TRIM24: variants seen among roughly 807,000 people sequenced by gnomAD.
TRIM24 encodes tripartite motif containing 24.
In TRIM24, 29 loss-of-function variants were observed where a neutral mutation model predicts 123.9. The ratio of observed to expected loss-of-function variants is 0.23; its 90% CI spans 0.17 to 0.32. The LOEUF (loss-of-function observed/expected upper bound fraction) is 0.32, where lower values mean the gene tolerates loss of function less well. Ranked by LOEUF, TRIM24 falls within the 10% of genes least tolerant of loss-of-function variation. The pLI, the probability that TRIM24 is intolerant of heterozygous loss-of-function variation, is 1.00. For synonymous variants in TRIM24, 456 were observed against 461.1 expected, an observed-to-expected ratio of 0.99 and a Z score of 0.14; for missense variants, 932 against 1,295.3, an observed-to-expected ratio of 0.72 and a Z score of 4.31.
At position 138,520,640 on chromosome 7, in the gene TRIM24, G is replaced by A. The variant is rs573556905; in HGVS notation, c.764+1319G>A. On this transcript the variant is annotated intron_variant, in intron 4 of 18. Transcript: ENST00000343526. ...AGGAGTTCAAGGGTGCAGTGATAGT[G>A]CCACTGCACTCCAGCCTAAGTGACA... Among the ~76,000 whole-genome samples the A allele has an allele frequency of 1.6e-4, 24 of 152,136 alleles. No homozygotes were observed. In the South Asian group the frequency reaches 5.0e-3, roughly 32 times the overall value.
chr7:138,463,500 G>C (rs1236397777), intron 1 of TRIM24, among the ~76,000 whole-genome samples: 1 of 152,164 alleles, frequency 6.6e-6, no homozygotes, highest in Non-Finnish European at 1.5e-5. Context: ...TGTAGGTGCT[G>C]GGATTACAGG....
chr7:138,583,766 A>C (rs1023248929), intron 17 of TRIM24, 84 bp from the exon 18 acceptor site: 19 of 1,007,358 alleles, frequency 1.9e-5, no homozygotes, highest in Non-Finnish European at 2.4e-5. Flanking sequence ...GAACATTCTG[A>C]ATTTTAGAGC....
intron 1 of TRIM24, among the ~76,000 whole-genome samples, chr7:138,496,642 T>G (rs1795912304): frequency 6.6e-6 from 1 of 152,032 alleles, no homozygotes; most frequent in Non-Finnish European, 1.5e-5. Context: ...AGGTGAATTT[T>G]TCAGATTTTT....
At chr7:138,490,708 GCTT>G in intron 1 of TRIM24, 1 of 453,356 alleles carries the variant, frequency 2.2e-6, no homozygotes, top group Non-Finnish European at 4.3e-6. Flanking sequence ...TCAAACCTGG[GCTT>G]CTTCAGCATT....
At chr7:138,482,608 T>C (rs1795554552) in intron 1 of TRIM24, among the ~76,000 whole-genome samples, 1 of 152,232 alleles carries the variant, frequency 6.6e-6, no homozygotes, top group East Asian at 1.9e-4. Context: ...ACCGACTCGT[T>C]AAGTATAATT....
intron 1 of TRIM24, among the ~76,000 whole-genome samples, chr7:138,462,872 A>ATT (rs762408724): frequency 2.1e-5 from 3 of 144,056 alleles, no homozygotes; most frequent in Non-Finnish European, 1.5e-5. Context: ...TTATTTATTT[A>ATT]TTTATTTTTT....
intron 7 of TRIM24, among the ~76,000 whole-genome samples, chr7:138,544,517 TTGTAATATACCCAGC>T (rs1797063902): frequency 2.0e-5 from 3 of 152,214 alleles, no homozygotes; most frequent in African/African-American, 7.2e-5. Context: ...TCATTTCCTG[TTGTAATATACCCAGC>T]AGAGGGATTG....
At chr7:138,549,906 A>G (rs1357935260) in intron 7 of TRIM24, among the ~76,000 whole-genome samples, 2 of 152,182 alleles carry the variant, frequency 1.3e-5, no homozygotes, top group Non-Finnish European at 2.9e-5. Flanking sequence ...TTCATCATCC[A>G]TTGTAACAGG....
rs1797783340 is a variant in TRIM24, at chr7:138,577,417, C to A, written c.2088-3C>A. Reference sequence around the variant, plus strand: ...TGCTTTTTCTTCTCTCTCATACTTACAGCTCTGGCTCTTCCAGCAAACCAG... The same window carrying A: ...TGCTTTTTCTTCTCTCTCATACTTAAAGCTCTGGCTCTTCCAGCAAACCAG... On this transcript the variant is annotated splice_polypyrimidine_tract_variant and splice_region_variant and intron_variant, in intron 13 of 18. Transcript: ENST00000343526. 6.5e-7 allele frequency: 1 copy of A among 1,547,618 alleles called. No homozygotes were observed. Among genetic ancestry groups the A allele is most frequent in the South Asian group, 1.2e-5 (1 of 80,648 alleles).
In TRIM24 at chr7:138,585,715, C is replaced by T; in HGVS notation, c.*764C>T. 1 of 463,646 alleles carries T rather than the reference C, an allele frequency of 2.2e-6. No individual in the cohort carries two copies. The highest frequency in any genetic ancestry group is 4.2e-6 in the Non-Finnish European group (1 of 238,684). The allele number at this position is 463,646 out of a possible 1,614,324, so 28.7% of individuals were successfully genotyped here. A position where few individuals can be genotyped will look rare whatever the true frequency, so the allele number is the denominator to read the frequency against. On this transcript the variant is annotated 3_prime_UTR_variant, in exon 19 of 19. Coordinates refer to ENST00000343526, the MANE Select transcript of TRIM24 (RefSeq NM_015905.3). ...CTTCTTCCACTGAGGGAAGTATATA[C>T]ATTTGGGTTTGCTGTGTGTCTATGT...
Position 138,589,877 on chromosome 7 carries a change from A to G in TRIM24, c.*4926A>G, listed in dbSNP as rs965658728. The G allele has an allele frequency of 3.3e-5, 5 of 152,200 alleles. No individual in the cohort carries two copies. Among genetic ancestry groups the G allele is most frequent in the African/African-American group, 1.2e-4 (5 of 41,450 alleles). The allele number at this position is 152,200 out of a possible 1,614,324, so 9.4% of individuals were successfully genotyped here. On this transcript the variant is annotated 3_prime_UTR_variant, in exon 19 of 19. Transcript: ENST00000343526. ...CTATTGGATATTTAACAGATCTTTC[A>G]TGGGGCCAACCTATTTGCTTCCTTA...
At chr7:138,469,591 C>T (rs547686443) in intron 1 of TRIM24, among the ~76,000 whole-genome samples, 3 of 152,170 alleles carry the variant, frequency 2.0e-5, no homozygotes, top group South Asian at 4.1e-4. Context: ...TGTGAGCTGC[C>T]GAGCCCTTTC....
chr7:138,504,242 C>A (rs1796100714), intron 1 of TRIM24, 48 bp from the exon 2 acceptor site: 3 of 1,270,876 alleles, frequency 2.4e-6, no homozygotes, highest in Non-Finnish European at 3.3e-6. Flanking sequence ...TGGTTAAGTA[C>A]TCAGTATATT....
rs1798023658 is a variant in TRIM24 at position 138,586,567 on chromosome 7, A to C, written c.*1616A>C. 6.6e-6 allele frequency: 1 copy of C among 152,198 alleles called. No homozygotes were observed. Among genetic ancestry groups the C allele is most frequent in the African/African-American group, 2.4e-5 (1 of 41,462 alleles). The allele number at this position is 152,198 out of a possible 1,614,324, so 9.4% of individuals were successfully genotyped here. On this transcript the variant is annotated 3_prime_UTR_variant, in exon 19 of 19. Transcript: ENST00000343526. ...ATAATATGTCAATTATGTATTGTTA[A>C]AAAGTCCTACTCACTTTTCAAATAT...
chr7:138,487,908 C>G (rs569132133), intron 1 of TRIM24, among the ~76,000 whole-genome samples: 10 of 152,270 alleles, frequency 6.6e-5, no homozygotes, highest in African/African-American at 2.2e-4. Flanking sequence ...GGAATAGTTT[C>G]AAAAGGAATG....
intron 4 of TRIM24, among the ~76,000 whole-genome samples, chr7:138,522,343 A>G (rs947093230): frequency 1.6e-4 from 25 of 152,236 alleles, no homozygotes; most frequent in African/African-American, 3.9e-4. Context: ...TCTCAAAAAA[A>G]AAAAAGATAA....
intron 2 of TRIM24, among the ~76,000 whole-genome samples, chr7:138,506,235 C>CG (rs1274261519): frequency 1.3e-5 from 2 of 152,212 alleles, no homozygotes; most frequent in African/African-American, 2.4e-5. Context: ...AAAACAGACA[C>CG]GCTTGCTGTG....
At chr7:138,519,017 C>A (rs1038914082) in intron 3 of TRIM24, among the ~76,000 whole-genome samples, 172 bp from the exon 4 acceptor site, 5 of 151,954 alleles carry the variant, frequency 3.3e-5, no homozygotes, top group Admixed American at 2.6e-4. Flanking sequence ...TCCTGAAATG[C>A]TGACAATATG....
chr7:138,532,394 C>A (rs113196057), intron 6 of TRIM24, among the ~76,000 whole-genome samples: 3,788 of 151,748 alleles, frequency 0.025, 128 homozygotes, highest in African/African-American at 0.081. Context: ...ATTTTTGTAT[C>A]AGGTGTAAGG....
Sources: gnomAD v4.1 joint callset for allele counts (sites outside exome capture counted in the v4.1 genomes callset) on GRCh38, gnomAD v4.1.1 for gene constraint, MANE v1.5 for transcripts, NCBI Gene and HGNC (gene_info 2026-07-23, HGNC 2026-07-21) for gene names.